The following PCDHGC5 variants were observed in gnomAD, a reference collection of about 807,000 sequenced individuals.
The protein encoded by PCDHGC5 is protocadherin gamma subfamily C, 5.
A neutral mutation model predicts 59.0 loss-of-function variants in PCDHGC5; 25 were observed. That is an observed-to-expected ratio of 0.42 (90% confidence interval 0.31 to 0.59). The LOEUF is 0.59. Ranked by LOEUF, PCDHGC5 falls within the 20% of genes least tolerant of loss-of-function variation. PCDHGC5 has a pLI of 0.13. For synonymous variants in PCDHGC5, 434 were observed against 505.5 expected (o/e 0.86, Z 1.90); for missense variants, 1,067 against 1,206.4 (o/e 0.88, Z 1.71).
chr5:141,503,598 CAAA>C (rs765754054), intron 2 of PCDHGC5, among the ~76,000 whole-genome samples: 9 of 65,742 alleles, frequency 1.4e-4, no homozygotes, highest in Admixed American at 3.4e-4. Context: ...GACTCCAGCT[CAAA>C]AAAAAAAAAA....
intron 2 of PCDHGC5, 80 bp downstream of exon 2, chr5:141,494,945 C>G (rs2099757788): frequency 6.2e-7 from 1 of 1,608,958 alleles, no homozygotes; most frequent in Non-Finnish European, 8.5e-7. Flanking sequence ...GGGGGAGGGC[C>G]CAGCATTTGC....
chr5:141,489,260 CACA>C lies in PCDHGC5; in HGVS notation c.21_23del (p.Gln8del), dbSNP rs1242559724. 1 of 1,552,022 alleles carries C rather than the reference CACA, an allele frequency of 6.4e-7. No individual in the cohort carries two copies. Among genetic ancestry groups the C allele is most frequent in the Non-Finnish European group, 8.7e-7 (1 of 1,149,038 alleles). ...TGGGTCATGGGGCCCAAGACACTCCCACAGCTCGCTGGGAAATGGCAAGTGCTG... is the reference window on the plus strand; with the variant it reads ...TGGGTCATGGGGCCCAAGACACTCCCGCTCGCTGGGAAATGGCAAGTGCTG... On this transcript the variant is annotated inframe_deletion, in exon 1 of 4. Coordinates refer to ENST00000252087, the MANE Select transcript of PCDHGC5 (RefSeq NM_018929.3). The surrounding 1 kb of genome is among the most constrained non-coding windows in gnomAD (Gnocchi z 4.5).
chr5:141,511,695 C>T lies in PCDHGC5; in HGVS notation c.*522C>T, dbSNP rs1009832192. 1 of 195,662 alleles carries T rather than the reference C, an allele frequency of 5.1e-6. No individual in the cohort carries two copies. Among genetic ancestry groups the T allele is most frequent in the Non-Finnish European group, 1.1e-5 (1 of 92,626 alleles). The allele number at this position is 195,662 out of a possible 1,614,324, so 12.1% of individuals were successfully genotyped here. On this transcript the variant is annotated 3_prime_UTR_variant, in exon 4 of 4. Coordinates refer to ENST00000252087, the MANE Select transcript of PCDHGC5 (RefSeq NM_018929.3). ...CTTCCCCCAAAGCATGGTTTGGTGC[C>T]AGCCCCTTCACCTCCTTCCAGAGCC...
chr5:141,507,397 AC>A (rs1163501030), intron 3 of PCDHGC5: 1 of 152,144 alleles, frequency 6.6e-6, no homozygotes. Flanking sequence ...TGGCAACTCT[AC>A]CCCAGATGTC....
intron 2 of PCDHGC5, among the ~76,000 whole-genome samples, chr5:141,501,331 ACACC>A (rs747366952): frequency 1.4e-5 from 2 of 138,844 alleles, no homozygotes; most frequent in Non-Finnish European, 3.2e-5. Context: ...ACACACACAC[ACACC>A]CCAAACTCAA....
chr5:141,509,346 G>A (rs946395640), intron 3 of PCDHGC5, among the ~76,000 whole-genome samples: 7 of 152,194 alleles, frequency 4.6e-5, no homozygotes, highest in Non-Finnish European at 8.8e-5. Flanking sequence ...GCCTGGGCTG[G>A]CCTGGGCATC....
intron 2 of PCDHGC5, among the ~76,000 whole-genome samples, chr5:141,497,290 C>A (rs182104163): frequency 4.7e-4 from 72 of 152,184 alleles, no homozygotes; most frequent in Middle Eastern, 3.4e-3. Flanking sequence ...CTCTACCTAC[C>A]ACCACCCCAG....
intron 2 of PCDHGC5, among the ~76,000 whole-genome samples, chr5:141,497,264 A>G (rs2154592078): frequency 6.6e-6 from 1 of 152,258 alleles, no homozygotes; most frequent in East Asian, 1.9e-4. Flanking sequence ...GAGAAGTTCT[A>G]GGCCATTTAT....
At chr5:141,509,631 C>A (rs1250891268) in intron 3 of PCDHGC5, among the ~76,000 whole-genome samples, 1 of 152,200 alleles carries the variant, frequency 6.6e-6, no homozygotes, top group East Asian at 1.9e-4. Flanking sequence ...CTGGGTGATG[C>A]TGAGCCAGGG....
intron 3 of PCDHGC5, among the ~76,000 whole-genome samples, chr5:141,506,045 C>G (rs1379226123): frequency 6.6e-6 from 1 of 152,078 alleles, no homozygotes; most frequent in Non-Finnish European, 1.5e-5. Flanking sequence ...TCTGGTTTTC[C>G]CATAAGGTTG....
intron 3 of PCDHGC5, chr5:141,507,424 G>C (rs577364087): frequency 6.6e-6 from 1 of 152,202 alleles, no homozygotes; most frequent in African/African-American, 2.4e-5. Context: ...GGTTAAGTGG[G>C]GCCAGGCCTA....
Position 141,490,365 on chromosome 5 carries a change from A to G in PCDHGC5, c.1125A>G (p.Arg375=). The G allele has an allele frequency of 6.2e-7, 1 of 1,614,170 alleles. No individual in the cohort carries two copies. The highest frequency in any genetic ancestry group is 8.5e-7 in the Non-Finnish European group (1 of 1,180,030). Residue 375 remains arginine, a synonymous_variant, in exon 1 of 4, where the codon CGA becomes CGG. Coordinates refer to ENST00000252087, the MANE Select transcript of PCDHGC5 (RefSeq NM_018929.3). The surrounding 1 kb of genome is among the most constrained non-coding windows in gnomAD (Gnocchi z 5.4). ...VGTVVGLFNV[R]DRDSGRNGEV... ...CAGTAGTGGGGTTGTTTAATGTGCG[A>G]GACCGGGACTCAGGTAGAAATGGTG...
chr5:141,498,119 T>C (rs780741291), intron 2 of PCDHGC5, among the ~76,000 whole-genome samples: 42 of 152,192 alleles, frequency 2.8e-4, no homozygotes, highest in Non-Finnish European at 4.8e-4. Flanking sequence ...AATAGGGATT[T>C]GATTTAGGGA....
chr5:141,500,989 C>T (rs779352768), intron 2 of PCDHGC5, among the ~76,000 whole-genome samples: 1 of 152,040 alleles, frequency 6.6e-6, no homozygotes, highest in Non-Finnish European at 1.5e-5. Context: ...CTGCCTCAGC[C>T]TCCTGAGTAG....
At chr5:141,492,512 T>A (rs2099741406) in intron 1 of PCDHGC5, among the ~76,000 whole-genome samples, 1 of 152,116 alleles carries the variant, frequency 6.6e-6, no homozygotes, top group Admixed American at 6.5e-5. Flanking sequence ...GAGCCTCCTC[T>A]CACCTCTCCC....
chr5:141,504,541 C>G (rs1050153403), intron 2 of PCDHGC5, among the ~76,000 whole-genome samples: 2 of 151,728 alleles, frequency 1.3e-5, no homozygotes, highest in Non-Finnish European at 2.9e-5. Context: ...GTCATCATGG[C>G]AAATGTTGGG....
chr5:141,505,434 A>C lies in PCDHGC5; in HGVS notation c.2561A>C (p.Gln854Pro), dbSNP rs1417754900. 1 of 1,614,198 alleles carries C rather than the reference A, an allele frequency of 6.2e-7. No homozygotes were observed. The highest frequency in any genetic ancestry group is 1.7e-5 in the Admixed American group (1 of 60,032). The change falls in exon 3 of 4, where the codon CAG (glutamine) becomes CCG (proline). Residue 854 changes from glutamine (Q) to proline (P), a missense_variant. Gln to Pro is a moderately conservative substitution (Grantham distance 76). Coordinates refer to ENST00000252087, the MANE Select transcript of PCDHGC5 (RefSeq NM_018929.3). ...GACACCGGCACCTGGCCCAACAACCAGTTTGACACAGAGATGCTGCAAGCC... is the reference window on the plus strand; with the variant it reads ...GACACCGGCACCTGGCCCAACAACCCGTTTGACACAGAGATGCTGCAAGCC... ...GDDTGTWPNN[Q>P]FDTEMLQAMI...
Position 141,489,819 on chromosome 5 carries a change from G to T in PCDHGC5, c.579G>T (p.Glu193Asp). Residue 193 changes from glutamate to aspartate, a missense_variant, in exon 1 of 4, where the codon GAG becomes GAT. Physicochemically the swap from Glu to Asp is conservative, Grantham distance 45. Transcript: ENST00000252087. This position sits in a 1 kb window ranked among gnomAD's most constrained non-coding sequence, Gnocchi z 4.5. ...KTLKDGKPFP[E>D]LVLEQQLDRE... ...TAAAAGATGGGAAGCCATTCCCAGA[G>T]CTGGTGCTAGAGCAGCAGCTGGATC... 6.2e-7 allele frequency: 1 copy of T among 1,614,190 alleles called. No homozygotes were observed.
chr5:141,494,921 A>C (rs1345734925), intron 2 of PCDHGC5, 56 bp downstream of exon 2: 6 of 1,613,556 alleles, frequency 3.7e-6, no homozygotes, highest in Non-Finnish European at 5.1e-6. Flanking sequence ...CTCAGGGATG[A>C]CGTGGGAGGA....
Sources: allele counts gnomAD v4.1 joint callset (sites outside exome capture counted in the v4.1 genomes callset), GRCh38; gene constraint gnomAD v4.1.1; non-coding constraint Gnocchi (gnomAD v3.1); transcripts MANE v1.5; gene names NCBI Gene and HGNC (gene_info 2026-07-23, HGNC 2026-07-21).